The following ADAMTSL3 variants were observed in gnomAD, a reference collection of about 807,000 sequenced individuals.
The protein encoded by ADAMTSL3 is ADAMTS like 3.
Under a neutral mutation model 201.7 loss-of-function variants are expected in ADAMTSL3, and 128 were observed. That is an observed-to-expected ratio of 0.63 (90% CI 0.55 to 0.73). The LOEUF (loss-of-function observed/expected upper bound fraction) is 0.73, where lower values mean the gene tolerates loss of function less well. ADAMTSL3 is among the 30% of genes least tolerant of loss of function. The pLI is 0.00. For missense variants in ADAMTSL3, 1,990 were observed against 2,119.6 expected, an observed-to-expected ratio of 0.94 and a Z score of 1.20; for synonymous variants, 738 against 748.4, an observed-to-expected ratio of 0.99 and a Z score of 0.23.
In ADAMTSL3 at chr15:83,996,902, A is replaced by C. The variant is rs150261091; in HGVS notation, c.3973+5688A>C. On this transcript the variant is annotated intron_variant, in intron 23 of 29. Transcript: ENST00000286744. The stretch of plus-strand genomic sequence containing the variant: ...GTTCTCATTTCCACACTGGTAGGGA[A>C]AATGTCCTCACTGCTAAGGAAATTA... 1.1e-4 allele frequency among the ~76,000 whole-genome samples: 17 copies of C among 152,258 alleles called. No individual in the cohort carries two copies. The East Asian group carries it at 3.1e-3, about 28-fold the overall frequency.
rs570519341 is a variant in ADAMTSL3 at position 83,850,890 on chromosome 15, A to T, written c.728-7876A>T. The stretch of plus-strand genomic sequence containing the variant: ...GTGAAGAAATGCTGAAAAGTTTGTG[A>T]CTGTGGACCAGTCCTCCCTTTCTGC... On this transcript the variant is annotated intron_variant, in intron 7 of 29. Transcript: ENST00000286744. 5.3e-5 allele frequency among the ~76,000 whole-genome samples: 8 copies of T among 152,294 alleles called. No homozygotes were observed. In the East Asian group the frequency reaches 1.5e-3, roughly 29 times the overall value.
At chr15:83,786,370 G>A (rs2063263136) in intron 4 of ADAMTSL3, among the ~76,000 whole-genome samples, 1 of 152,074 alleles carries the variant, frequency 6.6e-6, no homozygotes, top group Admixed American at 6.6e-5. Flanking sequence ...ATATTTTGAT[G>A]CAGTAATACA....
Position 83,669,453 on chromosome 15 carries a change from GTTTTTTTTTTTTTTTTTTTTT to G in ADAMTSL3, c.69+13635_69+13655del, listed in dbSNP as rs71156089. 2.1e-4 allele frequency among the ~76,000 whole-genome samples: 12 copies of G among 56,924 alleles called. No homozygotes were observed. In the East Asian group the frequency reaches 8.1e-3, roughly 38 times the overall value. 37.3% of individuals were successfully genotyped at this position (56,924 alleles called of 152,430 possible). On this transcript the variant is annotated intron_variant, in intron 2 of 29. Transcript: ENST00000286744. ...GCCACTGCACCTGGCCGGGAGTGAGGTTTTTTTTTTTTTTTTTTTTTTTTTTTTTTTTGAGACAGAGTCTTG... is the reference window on the plus strand; with the variant it reads ...GCCACTGCACCTGGCCGGGAGTGAGGTTTTTTTTTTTGAGACAGAGTCTTG...
chr15:83,829,426 T>C (rs1179171829), intron 6 of ADAMTSL3, among the ~76,000 whole-genome samples: 1 of 152,212 alleles, frequency 6.6e-6, no homozygotes, highest in Non-Finnish European at 1.5e-5. Context: ...TTTTCTTCTT[T>C]ATTAGTCTTG....
At chr15:83,716,847 T>G (rs2062026909) in intron 3 of ADAMTSL3, among the ~76,000 whole-genome samples, 1 of 152,184 alleles carries the variant, frequency 6.6e-6, no homozygotes, top group Non-Finnish European at 1.5e-5. Context: ...GGATGAATCC[T>G]TCTCTTAATC....
chr15:84,026,872 T>C (rs1051432045), intron 27 of ADAMTSL3, among the ~76,000 whole-genome samples: 15 of 152,178 alleles, frequency 9.9e-5, no homozygotes, highest in African/African-American at 3.1e-4. Context: ...GGAAATGGCT[T>C]CTTAGATATA....
intron 7 of ADAMTSL3, among the ~76,000 whole-genome samples, chr15:83,855,720 C>T (rs1178481352): frequency 1.3e-5 from 2 of 152,220 alleles, no homozygotes; most frequent in African/African-American, 4.8e-5. Context: ...CAGATTGTTG[C>T]AAGCCTTTGG....
chr15:83,991,364 G>C, intron 23 of ADAMTSL3, 150 bp downstream of exon 23: 1 of 1,178,230 alleles, frequency 8.5e-7, no homozygotes, highest in East Asian at 2.4e-5. Flanking sequence ...ACTGACAGTG[G>C]ATCTAACTCT....
intron 13 of ADAMTSL3, among the ~76,000 whole-genome samples, 194 bp from the exon 14 acceptor site, chr15:83,897,664 G>T (rs1309621020): frequency 6.6e-6 from 1 of 152,160 alleles, no homozygotes; most frequent in Non-Finnish European, 1.5e-5. Flanking sequence ...GAACAAGGTT[G>T]TACAAAAGAG....
intron 7 of ADAMTSL3, among the ~76,000 whole-genome samples, chr15:83,848,189 AT>A (rs1753344311): frequency 6.6e-6 from 1 of 152,224 alleles, no homozygotes; most frequent in Non-Finnish European, 1.5e-5. Context: ...AAATAAAAAA[AT>A]AAACAAAACA....
intron 2 of ADAMTSL3, among the ~76,000 whole-genome samples, chr15:83,664,153 C>T (rs897801416): frequency 2.0e-5 from 3 of 151,930 alleles, no homozygotes; most frequent in Middle Eastern, 3.2e-3. Context: ...TTATATATAC[C>T]GAAAAGATAA....
chr15:83,855,066 A>T (rs1405031719), intron 7 of ADAMTSL3, among the ~76,000 whole-genome samples: 1 of 151,908 alleles, frequency 6.6e-6, no homozygotes, highest in African/African-American at 2.4e-5. Context: ...ATATGTGTCT[A>T]TGTTGGGTTA....
rs1201003257 is a variant in ADAMTSL3 at position 83,991,110 on chromosome 15, A to G, written c.3869A>G (p.Glu1290Gly). The G allele has an allele frequency of 2.5e-6, 4 of 1,614,098 alleles. No homozygotes were observed. In the African/African-American group the frequency reaches 5.3e-5, roughly 22 times the overall value. Reference protein sequence around the residue: ...YAEAPVILSVERNITKPEHNH... With the variant: ...YAEAPVILSVGRNITKPEHNH... ...GAGGCACCTGTCATCTTGTCTGTTG[A>G]AAGAAATATCACCAAACCAGAGCAC... Residue 1290 changes from glutamate to glycine, a missense_variant, in exon 23 of 30, where the codon GAA becomes GGA. Glu to Gly is a moderately conservative substitution (Grantham distance 98). Transcript: ENST00000286744.
At chr15:83,910,195 C>T (rs747340044) in intron 15 of ADAMTSL3, among the ~76,000 whole-genome samples, 12 of 152,038 alleles carry the variant, frequency 7.9e-5, no homozygotes, top group Non-Finnish European at 1.5e-4. Flanking sequence ...CATCTCATCT[C>T]GAAACTCTCA....
chr15:83,878,571 G>T (rs1036306074), intron 9 of ADAMTSL3, among the ~76,000 whole-genome samples: 3 of 151,552 alleles, frequency 2.0e-5, no homozygotes, highest in Non-Finnish European at 2.9e-5. Context: ...CCAAGATTGC[G>T]CCACTGCACT....
chr15:83,798,928 A>G (rs1007650746), intron 4 of ADAMTSL3, among the ~76,000 whole-genome samples: 2 of 152,068 alleles, frequency 1.3e-5, no homozygotes, highest in African/African-American at 4.8e-5. Flanking sequence ...GAAGCATGGT[A>G]GCAGGTTCTT....
chr15:83,778,070 G>GA, intron 4 of ADAMTSL3, among the ~76,000 whole-genome samples: 1 of 152,156 alleles, frequency 6.6e-6, no homozygotes, highest in Non-Finnish European at 1.5e-5. Context: ...CAAGAATAGA[G>GA]AAAAAAGAAT....
rs376711516 is a variant in ADAMTSL3 at position 83,982,364 on chromosome 15, G to A, written c.2736G>A (p.Lys912=). Residue 912 remains lysine (K), a synonymous_variant, in exon 21 of 30, where the codon AAG becomes AAA. Transcript: ENST00000286744. ...TCTACATTCAGACAAGGGAAGAGAA[G>A]CGTATTAACCTGACCATTGGTAGCA... ...QRVYIQTREE[K]RINLTIGSRA... 1 of 1,614,054 alleles carries A rather than the reference G, an allele frequency of 6.2e-7. No individual in the cohort carries two copies. Among genetic ancestry groups the A allele is most frequent in the Non-Finnish European group, 8.5e-7 (1 of 1,180,026 alleles).
chr15:84,033,151 C>T (rs1000776606), intron 28 of ADAMTSL3, among the ~76,000 whole-genome samples: 6 of 152,012 alleles, frequency 3.9e-5, no homozygotes, highest in African/African-American at 1.5e-4. Context: ...CATCGTATCT[C>T]ACCTGGTATA....
Sources: allele counts gnomAD v4.1 joint callset (sites outside exome capture counted in the v4.1 genomes callset), GRCh38; gene constraint gnomAD v4.1.1; transcripts MANE v1.5; gene names NCBI Gene and HGNC (gene_info 2026-07-23, HGNC 2026-07-21).